The following CHCHD3 variants were observed in gnomAD, a reference collection of about 807,000 sequenced individuals.
The protein encoded by CHCHD3 is MICOS complex subunit MIC19.
Under a neutral mutation model 38.2 loss-of-function variants are expected in CHCHD3, and 20 were observed. The observed-to-expected ratio is 0.52, with a 90% confidence interval of 0.37 to 0.76. The LOEUF is 0.76. Ranked by LOEUF, CHCHD3 falls within the 30% of genes least tolerant of loss-of-function variation. The pLI is 0.00. For synonymous variants in CHCHD3, 82 were observed against 100.0 expected, an observed-to-expected ratio of 0.82 and a Z score of 1.07; for missense variants, 245 against 279.2, an observed-to-expected ratio of 0.88 and a Z score of 0.87.
At chr7:132,919,100 CTTTTTTTTTTTT>C (rs5887600) in intron 4 of CHCHD3, among the ~76,000 whole-genome samples, 39 of 69,504 alleles carry the variant, frequency 5.6e-4, no homozygotes, top group Non-Finnish European at 8.4e-4. Flanking sequence ...TGGGTTTATT[CTTTTTTTTTTTT>C]TTTTTTTTTT....
chr7:132,997,241 C>G (rs766059871), intron 3 of CHCHD3, among the ~76,000 whole-genome samples: 1 of 152,156 alleles, frequency 6.6e-6, no homozygotes, highest in Non-Finnish European at 1.5e-5. Flanking sequence ...AGCCCACTGG[C>G]TGCCTATATA....
intron 3 of CHCHD3, among the ~76,000 whole-genome samples, chr7:132,995,504 T>C (rs926034464): frequency 5.9e-5 from 9 of 152,232 alleles, no homozygotes; most frequent in South Asian, 4.1e-4. Context: ...AGTGAAATCA[T>C]AGACATACTT....
intron 2 of CHCHD3, among the ~76,000 whole-genome samples, chr7:133,050,340 TAAAAAAAAAAAAA>T (rs35635002): frequency 0.017 from 556 of 31,864 alleles, 3 homozygotes; most frequent in African/African-American, 0.043. Context: ...GGCTGTGTCT[TAAAAAAAAAAAAA>T]AAAAAAAAAA....
intron 2 of CHCHD3, among the ~76,000 whole-genome samples, 170 bp downstream of exon 2, chr7:133,069,972 T>TC (rs1313466394): frequency 2.6e-5 from 4 of 152,192 alleles, no homozygotes; most frequent in African/African-American, 9.7e-5. Flanking sequence ...GTTTCATTCT[T>TC]AGTACAAAAC....
intron 4 of CHCHD3, among the ~76,000 whole-genome samples, chr7:132,909,241 C>A (rs1404951577): frequency 6.6e-6 from 1 of 152,114 alleles, no homozygotes; most frequent in Non-Finnish European, 1.5e-5. Context: ...TTCACGCTGT[C>A]CCCGCACTTT....
chr7:132,799,893 C>A (rs924180810), intron 6 of CHCHD3, among the ~76,000 whole-genome samples: 6 of 152,164 alleles, frequency 3.9e-5, no homozygotes, highest in African/African-American at 1.2e-4. Context: ...TAGCAGCCCG[C>A]CCTCCCTTTG....
At chr7:132,885,582 T>C (rs1809185357) in intron 5 of CHCHD3, 80 bp downstream of exon 5, 3 of 1,135,786 alleles carry the variant, frequency 2.6e-6, no homozygotes, top group South Asian at 3.2e-5. Context: ...CAGTTGAAGT[T>C]CTAATTTATT....
At chr7:132,938,159 T>C (rs1284656418) in intron 4 of CHCHD3, among the ~76,000 whole-genome samples, 1 of 152,224 alleles carries the variant, frequency 6.6e-6, no homozygotes, top group Non-Finnish European at 1.5e-5. Flanking sequence ...GTATCTTTCA[T>C]TTACATCCCT....
intron 3 of CHCHD3, among the ~76,000 whole-genome samples, chr7:132,986,038 T>C (rs1284788480): frequency 1.3e-5 from 2 of 150,648 alleles, no homozygotes; most frequent in Admixed American, 6.6e-5. Context: ...CATGGGAGAC[T>C]TTTCATTTTG....
chr7:133,061,144 G>A (rs896620160), intron 2 of CHCHD3, among the ~76,000 whole-genome samples: 20 of 152,026 alleles, frequency 1.3e-4, no homozygotes, highest in African/African-American at 3.1e-4. Context: ...GAGGAAGGCC[G>A]GGGTGGGGTG....
At chr7:132,946,521 A>C (rs10954398) in intron 4 of CHCHD3, among the ~76,000 whole-genome samples, 66,956 of 151,622 alleles carry the variant, frequency 0.44, 16,632 homozygotes, top group South Asian at 0.59. Context: ...GGCAAACATT[A>C]AACTTTTATT....
chr7:132,889,598 C>T lies in CHCHD3; in HGVS notation c.370-3853G>A, dbSNP rs1809310254. ...CAATATTTCCTAAGACCCAACACCA[C>T]CAAGTTATAGGCCAGCAGCACACAT... On this transcript the variant is annotated intron_variant, in intron 4 of 7. Transcript: ENST00000262570. Among the ~76,000 whole-genome samples, 3 of 152,254 alleles carry T rather than the reference C, an allele frequency of 2.0e-5. No homozygotes were observed. In the South Asian group the frequency reaches 6.2e-4, roughly 32 times the overall value.
chr7:132,851,867 C>T (rs1300401041), intron 5 of CHCHD3, among the ~76,000 whole-genome samples: 1 of 152,218 alleles, frequency 6.6e-6, no homozygotes, highest in African/African-American at 2.4e-5. Context: ...ATTGCCAACA[C>T]ATCTCAGGCT....
At chr7:133,059,240 A>C (rs1041245432) in intron 2 of CHCHD3, among the ~76,000 whole-genome samples, 7 of 152,300 alleles carry the variant, frequency 4.6e-5, no homozygotes, top group Non-Finnish European at 2.9e-5. Flanking sequence ...AGTGTCCCAG[A>C]GTTTTGACAA....
chr7:133,026,402 G>A (rs1279957554), intron 2 of CHCHD3, among the ~76,000 whole-genome samples: 1 of 152,108 alleles, frequency 6.6e-6, no homozygotes, highest in Non-Finnish European at 1.5e-5. Flanking sequence ...TAAAGAAATT[G>A]GAACCCTCAC....
At chr7:132,921,135 A>G (rs1223825474) in intron 4 of CHCHD3, among the ~76,000 whole-genome samples, 2 of 152,210 alleles carry the variant, frequency 1.3e-5, no homozygotes, top group East Asian at 1.9e-4. Context: ...GAAGGAAAAC[A>G]CTGATATATG....
chr7:132,790,750 C>CG (rs1563235906), intron 7 of CHCHD3, among the ~76,000 whole-genome samples: 1 of 152,094 alleles, frequency 6.6e-6, no homozygotes, highest in Non-Finnish European at 1.5e-5. Flanking sequence ...CCGTGTACAT[C>CG]GGGGGGACCC....
At chr7:132,834,947 C>CATTTATTT (rs71529781) in intron 6 of CHCHD3, among the ~76,000 whole-genome samples, 3,173 of 147,354 alleles carry the variant, frequency 0.022, 60 homozygotes, top group South Asian at 0.06. Flanking sequence ...TTTTTCCTCT[C>CATTTATTT]ATTTATTTAT....
At chr7:132,795,463 T>C (rs1300758822) in intron 7 of CHCHD3, among the ~76,000 whole-genome samples, 2 of 152,166 alleles carry the variant, frequency 1.3e-5, no homozygotes, top group Non-Finnish European at 2.9e-5. Context: ...GAGGACAACA[T>C]AGGCTTTTAA....
Sources: allele counts gnomAD v4.1 joint callset (sites outside exome capture counted in the v4.1 genomes callset), GRCh38; gene constraint gnomAD v4.1.1; transcripts MANE v1.5; gene names NCBI Gene and HGNC (gene_info 2026-07-23, HGNC 2026-07-21).